The following C12orf56 variants were observed in gnomAD, a reference collection of about 807,000 sequenced individuals.
C12orf56 encodes the protein chromosome 12 open reading frame 56.
A neutral mutation model predicts 69.9 loss-of-function variants in C12orf56; 71 were observed. The observed-to-expected ratio is 1.02, with a 90% CI of 0.84 to 1.24. The LOEUF is 1.24. Among genes scored for constraint, C12orf56 ranks in the 50% most tolerant of loss-of-function variants. The pLI, the probability that C12orf56 is intolerant of heterozygous loss-of-function variation, is 0.00. For synonymous variants in C12orf56, 276 were observed against 274.1 expected (o/e 1.01, Z -0.07); for missense variants, 732 against 738.5 (o/e 0.99, Z 0.10).
At position 64,313,274 on chromosome 12, in the gene C12orf56, A is replaced by AAAAAAGAAAGAAAGAAAG. The variant is rs762664621; in HGVS notation, c.895-523_895-522insCTTTCTTTCTTTCTTTTT. Among the ~76,000 whole-genome samples, 100 of 81,400 alleles carry AAAAAAGAAAGAAAGAAAG rather than the reference A, an allele frequency of 1.2e-3. 1 individual carries two copies. The highest frequency in any genetic ancestry group is 3.2e-3 in the African/African-American group (69 of 21,282). 53.4% of individuals were successfully genotyped at this position (81,400 alleles called of 152,430 possible). Reference sequence around the variant, plus strand: ...GAGACTCTGTCTCAAAAAAAAAAAAAAAAGAAAGAAAGAAAGAAAGAAAGA... The same window carrying AAAAAAGAAAGAAAGAAAG: ...GAGACTCTGTCTCAAAAAAAAAAAAAAAAAAGAAAGAAAGAAAGAAAGAAAGAAAGAAAGAAAGAAAGA... On this transcript the variant is annotated intron_variant, in intron 4 of 12. Coordinates refer to ENST00000543942, the MANE Select transcript of C12orf56 (RefSeq NM_001170633.2).
chr12:64,370,573 C>T (rs1417800869), intron 1 of C12orf56, among the ~76,000 whole-genome samples: 1 of 151,916 alleles, frequency 6.6e-6, no homozygotes, highest in Non-Finnish European at 1.5e-5. Context: ...ATCGCTTGAG[C>T]CCAGGAGGCA....
intron 5 of C12orf56, among the ~76,000 whole-genome samples, chr12:64,309,351 A>G (rs1318615353): frequency 6.6e-6 from 1 of 152,144 alleles, no homozygotes; most frequent in African/African-American, 2.4e-5. Flanking sequence ...AAATTTGCCT[A>G]TTTTAGGTAC....
intron 2 of C12orf56, among the ~76,000 whole-genome samples, chr12:64,351,784 C>T (rs2039225227): frequency 6.6e-6 from 1 of 151,968 alleles, no homozygotes; most frequent in Non-Finnish European, 1.5e-5. Context: ...ATGCCTCATT[C>T]CCCTCCTTCT....
At chr12:64,303,147 G>A (rs552377188) in intron 6 of C12orf56, among the ~76,000 whole-genome samples, 8 of 151,782 alleles carry the variant, frequency 5.3e-5, no homozygotes, top group African/African-American at 9.7e-5. Context: ...GGTAGTGGGC[G>A]CCTGTAATCC....
intron 3 of C12orf56, among the ~76,000 whole-genome samples, chr12:64,328,524 C>A (rs1473452940): frequency 1.3e-5 from 2 of 150,996 alleles, no homozygotes; most frequent in African/African-American, 2.4e-5. Flanking sequence ...ACTTAAAATA[C>A]AAAAAATTAG....
intron 6 of C12orf56, among the ~76,000 whole-genome samples, chr12:64,296,994 A>G (rs1202477492): frequency 6.6e-6 from 1 of 152,060 alleles, no homozygotes; most frequent in Non-Finnish European, 1.5e-5. Context: ...TGTCAGAAGT[A>G]CATTCATATT....
chr12:64,278,273 C>G (rs1275847893), intron 8 of C12orf56, among the ~76,000 whole-genome samples: 1 of 152,088 alleles, frequency 6.6e-6, no homozygotes, highest in African/African-American at 2.4e-5. Context: ...CAGTGTATCT[C>G]TGGGACAAAG....
chr12:64,297,396 C>T (rs1319963600), intron 6 of C12orf56, among the ~76,000 whole-genome samples: 1 of 151,280 alleles, frequency 6.6e-6, no homozygotes, highest in Non-Finnish European at 1.5e-5. Context: ...ACTTTTTTTT[C>T]TTTTTTTTAT....
intron 1 of C12orf56, among the ~76,000 whole-genome samples, chr12:64,370,337 T>C (rs1314229570): frequency 6.6e-6 from 1 of 150,800 alleles, no homozygotes; most frequent in African/African-American, 2.4e-5. Flanking sequence ...AGAGTGAGAC[T>C]CTGCCCATGC....
chr12:64,320,115 C>G (rs1373106834), intron 3 of C12orf56, among the ~76,000 whole-genome samples: 1 of 152,216 alleles, frequency 6.6e-6, no homozygotes, highest in Non-Finnish European at 1.5e-5. Flanking sequence ...CAGCTAAGTG[C>G]CCGGGTTCGT....
chr12:64,277,016 ATTACTGAGTG>A, intron 9 of C12orf56, among the ~76,000 whole-genome samples: 1 of 148,122 alleles, frequency 6.8e-6, no homozygotes, highest in Non-Finnish European at 1.5e-5. Flanking sequence ...AAAAAAAAAA[ATTACTGAGTG>A]AATGACTGAA....
intron 1 of C12orf56, among the ~76,000 whole-genome samples, chr12:64,373,787 G>A (rs144506461): frequency 1.5e-4 from 23 of 152,144 alleles, no homozygotes; most frequent in Non-Finnish European, 2.8e-4. Context: ...TTTTTTAGGG[G>A]GTTAAAATTT....
At chr12:64,358,202 A>G (rs1364043369) in intron 1 of C12orf56, among the ~76,000 whole-genome samples, 4 of 152,080 alleles carry the variant, frequency 2.6e-5, no homozygotes, top group Non-Finnish European at 5.9e-5. Context: ...GCTCATACCT[A>G]TAATCCCAAC....
At chr12:64,295,993 G>A (rs2038359684) in intron 6 of C12orf56, among the ~76,000 whole-genome samples, 1 of 152,098 alleles carries the variant, frequency 6.6e-6, no homozygotes, top group Non-Finnish European at 1.5e-5. Flanking sequence ...TAGAGAACTG[G>A]TAAAGCATTA....
rs2039853997 is a variant in C12orf56 at position 64,390,449 on chromosome 12, G to T, written c.117C>A (p.Cys39Ter). ...VYDAVRAYEPCIVVSNSENHI... is the reference protein window; with the variant it reads ...VYDAVRAYEP Reference sequence around the variant, plus strand: ...GGTTCTCAGAGTTGGACACCACGATGCATGGCTCGTAGGCGCGGACCGCGT... The same window carrying T: ...GGTTCTCAGAGTTGGACACCACGATTCATGGCTCGTAGGCGCGGACCGCGT... The change falls in exon 1 of 13, where the codon TGC (cysteine) becomes TGA (stop). Residue 39 changes from cysteine to a stop codon, truncating the protein, a stop_gained. Coordinates refer to ENST00000543942, the MANE Select transcript of C12orf56 (RefSeq NM_001170633.2). LOFTEE classifies it high-confidence loss of function. The T allele has an allele frequency of 6.2e-7, 1 of 1,610,832 alleles. No homozygotes were observed.
At chr12:64,379,999 G>A (rs1245190280) in intron 1 of C12orf56, among the ~76,000 whole-genome samples, 1 of 149,148 alleles carries the variant, frequency 6.7e-6, no homozygotes, top group African/African-American at 2.5e-5. Context: ...CAGCTACTCC[G>A]GAGGCTGAGG....
At chr12:64,351,870 G>GAAAAA (rs34411804) in intron 2 of C12orf56, among the ~76,000 whole-genome samples, 1 of 147,206 alleles carries the variant, frequency 6.8e-6, no homozygotes. Context: ...GACTCCTTTG[G>GAAAAA]AAAAAAAAAA....
chr12:64,323,525 A>T (rs1227604397), intron 3 of C12orf56, among the ~76,000 whole-genome samples: 7 of 151,844 alleles, frequency 4.6e-5, no homozygotes, highest in Admixed American at 4.6e-4. Flanking sequence ...ACAGAGTTTT[A>T]ACCTCCACAG....
At chr12:64,335,694 A>G (rs1228261592) in intron 2 of C12orf56, among the ~76,000 whole-genome samples, 1 of 152,222 alleles carries the variant, frequency 6.6e-6, no homozygotes, top group Non-Finnish European at 1.5e-5. Context: ...TATACTAAAA[A>G]GAAAAGCATC....
Sources: allele counts gnomAD v4.1 joint callset (sites outside exome capture counted in the v4.1 genomes callset), GRCh38; gene constraint gnomAD v4.1.1; transcripts MANE v1.5; gene names NCBI Gene and HGNC (gene_info 2026-07-23, HGNC 2026-07-21).